Variants in KCND2 observed in about 807,000 individuals in gnomAD.
KCND2 encodes potassium voltage-gated channel subfamily D member 2.
In KCND2, 16 loss-of-function variants were observed where a neutral mutation model predicts 54.4. The observed-to-expected ratio is 0.29, with a 90% CI of 0.20 to 0.45. KCND2 has a LOEUF of 0.45. KCND2 is among the 20% of genes least tolerant of loss of function. KCND2 has a pLI of 1.00. For missense variants in KCND2, 486 were observed against 824.2 expected, an observed-to-expected ratio of 0.59 and a Z score of 5.02; for synonymous variants, 317 against 310.7, an observed-to-expected ratio of 1.02 and a Z score of -0.21.
chr7:120,694,139 T>G (rs1258894847), intron 1 of KCND2, among the ~76,000 whole-genome samples: 1 of 152,236 alleles, frequency 6.6e-6, no homozygotes, highest in Admixed American at 6.5e-5. Context: ...GCCATGTTGA[T>G]GCCTCCTTTC....
chr7:120,729,554 A>T (rs965773002), intron 1 of KCND2, among the ~76,000 whole-genome samples: 1 of 152,170 alleles, frequency 6.6e-6, no homozygotes, highest in Non-Finnish European at 1.5e-5. Flanking sequence ...ACTTCCTTGT[A>T]TTCTCTTACC....
Position 120,372,814 on chromosome 7 carries a change from A to G in KCND2, c.1115+97067A>G, listed in dbSNP as rs144651907. ...AAAGAGGAACAGGACTGCTAAATTT[A>G]GTACTGTCAAATACTCCAGGATCAA... On this transcript the variant is annotated intron_variant, in intron 1 of 5. Coordinates refer to ENST00000331113, the MANE Select transcript of KCND2 (RefSeq NM_012281.3). 2.6e-5 allele frequency among the ~76,000 whole-genome samples: 4 copies of G among 152,040 alleles called. No individual in the cohort carries two copies. In the East Asian group the frequency reaches 7.8e-4, roughly 29 times the overall value.
intron 4 of KCND2, among the ~76,000 whole-genome samples, chr7:120,745,015 C>G (rs563870199): frequency 9.2e-5 from 14 of 152,098 alleles, no homozygotes; most frequent in African/African-American, 3.4e-4. Context: ...TTGCTATTTG[C>G]TACTGGGCTG....
At chr7:120,698,190 T>A (rs1562912944) in intron 1 of KCND2, among the ~76,000 whole-genome samples, 1 of 152,154 alleles carries the variant, frequency 6.6e-6, no homozygotes, top group Non-Finnish European at 1.5e-5. Context: ...AACTGTTGTA[T>A]TTTTAGTATA....
intron 1 of KCND2, among the ~76,000 whole-genome samples, chr7:120,632,945 A>G (rs1793257219): frequency 6.6e-6 from 1 of 152,186 alleles, no homozygotes; most frequent in Non-Finnish European, 1.5e-5. Flanking sequence ...CTCTCTCATT[A>G]AGTTAAGGTG....
intron 1 of KCND2, among the ~76,000 whole-genome samples, chr7:120,614,195 T>C (rs1792993076): frequency 6.6e-6 from 1 of 152,186 alleles, no homozygotes; most frequent in African/African-American, 2.4e-5. Context: ...GTATTTTCAG[T>C]AGAGACAGGG....
intron 1 of KCND2, among the ~76,000 whole-genome samples, chr7:120,626,442 G>A (rs776053659): frequency 6.6e-6 from 1 of 152,132 alleles, no homozygotes; most frequent in Non-Finnish European, 1.5e-5. Flanking sequence ...ATAAAAGGGT[G>A]ATCATAATTA....
intron 1 of KCND2, among the ~76,000 whole-genome samples, chr7:120,398,585 G>A (rs187528068): frequency 5.9e-5 from 9 of 152,180 alleles, no homozygotes; most frequent in Admixed American, 5.2e-4. Flanking sequence ...AGCTCTACTA[G>A]TGTAAGTAGG....
chr7:120,289,396 G>A (rs1369524205), intron 1 of KCND2, among the ~76,000 whole-genome samples: 1 of 151,942 alleles, frequency 6.6e-6, no homozygotes, highest in African/African-American at 2.4e-5. Flanking sequence ...AACAGCCAGG[G>A]CTAACCAACA....
chr7:120,670,805 A>G (rs913227395), intron 1 of KCND2, among the ~76,000 whole-genome samples: 1 of 151,354 alleles, frequency 6.6e-6, no homozygotes, highest in African/African-American at 2.4e-5. Context: ...AGTCCCAGCT[A>G]CTCGAGAGGC....
At chr7:120,485,835 A>G (rs1042818861) in intron 1 of KCND2, among the ~76,000 whole-genome samples, 1 of 152,180 alleles carries the variant, frequency 6.6e-6, no homozygotes, top group Non-Finnish European at 1.5e-5. Flanking sequence ...AAAGTAAGCT[A>G]CATGAGAGAA....
intron 4 of KCND2, among the ~76,000 whole-genome samples, chr7:120,745,248 A>G (rs1051210422): frequency 6.6e-6 from 1 of 152,200 alleles, no homozygotes; most frequent in Non-Finnish European, 1.5e-5. Flanking sequence ...TTAGAGGAAC[A>G]TATAAAGAAA....
At chr7:120,575,739 G>C (rs539352974) in intron 1 of KCND2, among the ~76,000 whole-genome samples, 1 of 152,028 alleles carries the variant, frequency 6.6e-6, no homozygotes, top group African/African-American at 2.4e-5. Context: ...AAACGAATAC[G>C]TTCTTATTTA....
intron 1 of KCND2, among the ~76,000 whole-genome samples, chr7:120,387,332 C>T (rs1008995104): frequency 6.6e-6 from 1 of 151,596 alleles, no homozygotes; most frequent in Admixed American, 6.6e-5. Context: ...TTGTTTTGCC[C>T]GTTAAAGGAG....
chr7:120,735,977 T>C (rs540470612), intron 2 of KCND2, among the ~76,000 whole-genome samples: 2 of 152,186 alleles, frequency 1.3e-5, no homozygotes, highest in Admixed American at 1.3e-4. Flanking sequence ...TAAGACAGTT[T>C]ATTTATCTGG....
At chr7:120,539,648 G>A (rs1468755199) in intron 1 of KCND2, among the ~76,000 whole-genome samples, 2 of 152,136 alleles carry the variant, frequency 1.3e-5, no homozygotes, top group East Asian at 3.8e-4. Flanking sequence ...GAAATTTATT[G>A]TATATATACG....
intron 1 of KCND2, among the ~76,000 whole-genome samples, chr7:120,374,666 A>G (rs191454344): frequency 4.1e-4 from 62 of 151,936 alleles, no homozygotes; most frequent in African/African-American, 1.5e-3. Context: ...TGGGCAATTC[A>G]AGTCCTTCTT....
chr7:120,292,965 C>T (rs1456321194), intron 1 of KCND2, among the ~76,000 whole-genome samples: 1 of 151,790 alleles, frequency 6.6e-6, no homozygotes, highest in East Asian at 1.9e-4. Context: ...ACCATGACAC[C>T]AACTCTGTAT....
intron 1 of KCND2, among the ~76,000 whole-genome samples, chr7:120,595,460 AATAT>A (rs1390964580): frequency 8.9e-6 from 1 of 112,950 alleles, no homozygotes. Context: ...CCAAAAAAAA[AATAT>A]ATATATATAT....
Sources: allele counts gnomAD v4.1 joint callset (sites outside exome capture counted in the v4.1 genomes callset), GRCh38; gene constraint gnomAD v4.1.1; transcripts MANE v1.5; gene names NCBI Gene and HGNC (gene_info 2026-07-23, HGNC 2026-07-21).